Variants in FNBP4 observed in about 807,000 individuals in gnomAD.
FNBP4 encodes the protein formin-binding protein 4.
Under a neutral mutation model 119.3 loss-of-function variants are expected in FNBP4, and 34 were observed. The ratio of observed to expected loss-of-function variants is 0.28; its 90% CI spans 0.22 to 0.38. The LOEUF (loss-of-function observed/expected upper bound fraction) is 0.38. Ranked by LOEUF, FNBP4 falls within the 10% of genes least tolerant of loss-of-function variation. The pLI is 1.00. For missense variants in FNBP4, 1,112 were observed against 1,228.9 expected (o/e 0.90, Z 1.42); for synonymous variants, 462 against 430.6 (o/e 1.07, Z -0.90).
chr11:47,728,064 C>A (rs905703396), intron 12 of FNBP4, among the ~76,000 whole-genome samples: 1 of 150,994 alleles, frequency 6.6e-6, no homozygotes, highest in Admixed American at 6.6e-5. Context: ...TTAGTAGAGG[C>A]GGGGTTTCTA....
At chr11:47,760,688 G>A (rs2097632172) in intron 2 of FNBP4, among the ~76,000 whole-genome samples, 1 of 151,922 alleles carries the variant, frequency 6.6e-6, no homozygotes, top group African/African-American at 2.4e-5. Flanking sequence ...CCCGCTTCAG[G>A]CTCCCAAAGT....
Position 47,746,063 on chromosome 11 carries a change from C to T in FNBP4, c.1238G>A (p.Arg413Lys), listed in dbSNP as rs1283641031. The change falls in exon 7 of 17, where the codon AGG (arginine) becomes AAG (lysine). Residue 413 changes from arginine to lysine, a missense_variant. This residue lies in a region of FNBP4 where 826 missense variants were observed against 988.8 expected (regional missense o/e 0.84). Transcript: ENST00000263773. ...TAACTTTCAAAAGCTTACTTTTTTC[C>T]TTTCCAAAACTAGCTCCAGTTCAAG... ...DTLELELVLERKKAELRALEE... is the reference protein window; with the variant it reads ...DTLELELVLEKKKAELRALEE... 6.3e-7 allele frequency: 1 copy of T among 1,590,634 alleles called. No homozygotes were observed. The highest frequency in any genetic ancestry group is 2.2e-5 in the East Asian group (1 of 44,740).
chr11:47,763,028 T>C (rs1274733807), intron 2 of FNBP4, among the ~76,000 whole-genome samples: 1 of 150,982 alleles, frequency 6.6e-6, no homozygotes, highest in Non-Finnish European at 1.5e-5. Context: ...GAGCCACCCA[T>C]TTTCAGGGGC....
chr11:47,724,689 C>T lies in FNBP4; in HGVS notation c.2098G>A (p.Val700Ile), dbSNP rs1368358620. ...TPFWTLLQSN[V>I]PVLQPPLPLE... ...GGTAATGGAGGTTGAAGCACAGGAA[C>T]ATTTGACTGAAGGAGGGTCCAGAAT... The change falls in exon 13 of 17, where the codon GTT becomes ATT. Residue 700 changes from valine to isoleucine, a missense_variant. Physicochemically the swap from Val to Ile is conservative, Grantham distance 29 (BLOSUM62 3). Transcript: ENST00000263773. The T allele has an allele frequency of 1.2e-6, 2 of 1,613,818 alleles. No homozygotes were observed. The highest frequency in any genetic ancestry group is 1.1e-5 in the South Asian group (1 of 91,048).
At chr11:47,723,985 G>C in intron 14 of FNBP4, 43 bp downstream of exon 14, 1 of 1,566,654 alleles carries the variant, frequency 6.4e-7, no homozygotes, top group Non-Finnish European at 8.6e-7. Context: ...GAAAAGAAAA[G>C]AAACAATACA....
chr11:47,737,691 C>T (rs2097576126), intron 8 of FNBP4, among the ~76,000 whole-genome samples: 1 of 151,430 alleles, frequency 6.6e-6, no homozygotes, highest in Non-Finnish European at 1.5e-5. Context: ...CTGCCTGCCT[C>T]AGCCTCCCAA....
Position 47,767,152 on chromosome 11 carries a change from G to A in FNBP4, c.137C>T (p.Pro46Leu). The A allele has an allele frequency of 1.1e-5, 17 of 1,546,924 alleles. No homozygotes were observed. Among genetic ancestry groups the A allele is most frequent in the Non-Finnish European group, 1.4e-5 (16 of 1,151,446 alleles). ...DTEPDSTAAV[P>L]SQPAPSAATT... ...CGCCGCCGACGGGGCGGGCTGGCTG[G>A]GGACCGCCGCGGTTGAGTCCGGCTC... Residue 46 changes from proline to leucine, a missense_variant, in exon 1 of 17, where the codon CCC (proline) becomes CTC (leucine). Coordinates refer to ENST00000263773, the MANE Select transcript of FNBP4 (RefSeq NM_015308.5).
At position 47,719,950 on chromosome 11, in the gene FNBP4, C is replaced by T; in HGVS notation, c.2942G>A (p.Trp981Ter). Reference sequence around the variant, plus strand: ...TTACCTAACCAGCTGCTGCTGTTTCCACTCTTCAATTCGCTTCTGTGCAGT... The same window carrying T: ...TTACCTAACCAGCTGCTGCTGTTTCTACTCTTCAATTCGCTTCTGTGCAGT... ...ESTAQKRIEE[W>*]KQQQLVSGMA... The change falls in exon 16 of 17, where the codon TGG becomes TAG. Residue 981 changes from tryptophan (W) to a stop codon, truncating the protein, a stop_gained. Coordinates refer to ENST00000263773, the MANE Select transcript of FNBP4 (RefSeq NM_015308.5). LOFTEE classifies it high-confidence loss of function. 6.2e-7 allele frequency: 1 copy of T among 1,613,830 alleles called. No homozygotes were observed.
chr11:47,725,551 A>T (rs1217720586), intron 12 of FNBP4: 1 of 152,914 alleles, frequency 6.5e-6, no homozygotes, highest in Non-Finnish European at 1.5e-5. Flanking sequence ...TCTTCAAAGT[A>T]TATAACTCAG....
rs749367262 is a variant in FNBP4 at position 47,767,332 on chromosome 11, G to T, written c.-44C>A. On this transcript the variant is annotated 5_prime_UTR_variant, in exon 1 of 17. Transcript: ENST00000263773. The stretch of plus-strand genomic sequence containing the variant: ...CAGAGAGCGTCGGGCGGCCGAGAGG[G>T]GCGGGCACTGGAGGCTGGGCGCTGG... The T allele has an allele frequency of 7.0e-7, 1 of 1,431,084 alleles. No homozygotes were observed. The highest frequency in any genetic ancestry group is 9.1e-7 in the Non-Finnish European group (1 of 1,097,724). The allele number at this position is 1,431,084 out of a possible 1,614,324, so 88.6% of individuals were successfully genotyped here.
At chr11:47,724,373 GC>G in intron 13 of FNBP4, 94 bp downstream of exon 13, 2 of 1,587,650 alleles carry the variant, frequency 1.3e-6, no homozygotes, top group Non-Finnish European at 1.7e-6. Context: ...GAGCCACCGT[GC>G]CCGGCCTTTA....
chr11:47,750,670 C>T lies in FNBP4; in HGVS notation c.906+246G>A, dbSNP rs570352912. Among the ~76,000 whole-genome samples the T allele has an allele frequency of 3.4e-3, 345 of 100,680 alleles. No homozygotes were observed. In the Middle Eastern group the frequency reaches 0.056, roughly 16 times the overall value. 66.0% of individuals were successfully genotyped at this position (100,680 alleles called of 152,430 possible). ...CACCACTGTACTCCAGCCTGGGTGA[C>T]GGGGCGAGACTCTGTCTCAAAAAAA... On this transcript the variant is annotated intron_variant, in intron 6 of 16. Transcript: ENST00000263773.
intron 5 of FNBP4, 31 bp from the exon 6 acceptor site, chr11:47,751,067 A>G (rs2097602377): frequency 4.3e-6 from 7 of 1,612,554 alleles, no homozygotes; most frequent in South Asian, 2.2e-5. Flanking sequence ...CAAGAGAAAT[A>G]TAAGACAAAT....
At chr11:47,717,919 AT>A (rs1235142676) in intron 16 of FNBP4, among the ~76,000 whole-genome samples, 8 of 141,740 alleles carry the variant, frequency 5.6e-5, no homozygotes, top group African/African-American at 2.0e-4. Context: ...TGCCTGGCTA[AT>A]TTTTTTTTTT....
intron 2 of FNBP4, among the ~76,000 whole-genome samples, chr11:47,755,955 A>G (rs948378025): frequency 4.6e-5 from 7 of 152,230 alleles, no homozygotes; most frequent in Non-Finnish European, 8.8e-5. Context: ...AACTGAGCCA[A>G]TTACAGTGTA....
intron 16 of FNBP4, among the ~76,000 whole-genome samples, chr11:47,719,609 TG>T (rs2097553383): frequency 1.4e-5 from 2 of 146,846 alleles, no homozygotes; most frequent in Non-Finnish European, 3.0e-5. Flanking sequence ...TGTGTGTGTG[TG>T]TGTGTATAAA....
intron 8 of FNBP4, among the ~76,000 whole-genome samples, chr11:47,738,065 C>G (rs1345186192): frequency 6.6e-6 from 1 of 152,024 alleles, no homozygotes; most frequent in Non-Finnish European, 1.5e-5. Flanking sequence ...TTCAAACCAT[C>G]TGGTAACTTC....
intron 8 of FNBP4, among the ~76,000 whole-genome samples, 157 bp from the exon 9 acceptor site, chr11:47,736,897 T>C (rs34910028): frequency 0.28 from 41,992 of 152,102 alleles, 6,835 homozygotes; most frequent in Middle Eastern, 0.38. Flanking sequence ...GTCAGCCTAC[T>C]GTCTATATAA....
chr11:47,741,713 G>A lies in FNBP4; in HGVS notation c.1456+2240C>T, dbSNP rs144880326. ...CGCCTGTAATCCCAGCTACTCGGGC[G>A]GCTGAGGCCGGGGAATCGCTTGAAC... On this transcript the variant is annotated intron_variant, in intron 8 of 16. Transcript: ENST00000263773. Among the ~76,000 whole-genome samples the A allele has an allele frequency of 9.1e-3, 1,386 of 152,186 alleles. 26 individuals are homozygous for A. Among genetic ancestry groups the A allele is most frequent in the African/African-American group, 0.026 (1,073 of 41,484 alleles).
Sources: allele counts gnomAD v4.1 joint callset (sites outside exome capture counted in the v4.1 genomes callset), GRCh38; gene constraint gnomAD v4.1.1; regional missense constraint gnomAD v4.1.1; transcripts MANE v1.5; gene names NCBI Gene and HGNC (gene_info 2026-07-23, HGNC 2026-07-21).